Variants in WWOX observed in about 807,000 individuals in gnomAD.
The protein encoded by WWOX is WW domain containing oxidoreductase.
In WWOX, 69 loss-of-function variants were observed where a neutral mutation model predicts 46.2. The observed-to-expected ratio is 1.49, with a 90% CI of 1.23 to 1.82. The LOEUF (loss-of-function observed/expected upper bound fraction) is 1.82. WWOX is among the 40% of genes most tolerant of loss of function. The probability of loss-of-function intolerance (pLI) is 0.00; values close to 1 mark genes in which losing one functional copy is unlikely to be tolerated. For missense variants in WWOX, 919 were observed against 542.6 expected (o/e 1.69, Z -6.89); for synonymous variants, 359 against 202.6 (o/e 1.77, Z -6.56).
intron 1 of WWOX, among the ~76,000 whole-genome samples, chr16:78,106,442 G>A (rs2032153727): frequency 9.9e-6 from 1 of 101,222 alleles, no homozygotes; most frequent in African/African-American, 3.2e-5. Context: ...TTTTTTTTGA[G>A]ATGGAGTTTC....
At chr16:78,422,771 A>G (rs534291020) in intron 6 of WWOX, among the ~76,000 whole-genome samples, 2 of 125,800 alleles carry the variant, frequency 1.6e-5, no homozygotes, top group South Asian at 5.0e-4. Flanking sequence ...ATATATATAC[A>G]CACATATATA....
chr16:78,975,313 G>A (rs149675278), intron 8 of WWOX, among the ~76,000 whole-genome samples: 1 of 152,232 alleles, frequency 6.6e-6, no homozygotes, highest in African/African-American at 2.4e-5. Context: ...AGGTAATAGT[G>A]TGCTCCTGAT....
At chr16:79,096,003 C>T (rs2049062332) in intron 8 of WWOX, among the ~76,000 whole-genome samples, 1 of 148,860 alleles carries the variant, frequency 6.7e-6, no homozygotes, top group Non-Finnish European at 1.5e-5. Context: ...GCATGCGCTG[C>T]CACACCCGGA....
At chr16:79,090,264 C>A (rs187594025) in intron 8 of WWOX, among the ~76,000 whole-genome samples, 2 of 147,126 alleles carry the variant, frequency 1.4e-5, no homozygotes, top group Non-Finnish European at 3.0e-5. Flanking sequence ...GCCATCCTGA[C>A]AGATTCTACT....
chr16:78,555,563 A>T (rs935936368), intron 8 of WWOX, among the ~76,000 whole-genome samples: 1 of 146,456 alleles, frequency 6.8e-6, no homozygotes, highest in African/African-American at 2.5e-5. Context: ...CCAGTACCAC[A>T]TTCCCCACTA....
intron 8 of WWOX, among the ~76,000 whole-genome samples, chr16:78,792,135 C>T (rs559692676): frequency 5.3e-5 from 8 of 152,120 alleles, no homozygotes; most frequent in Non-Finnish European, 1.2e-4. Flanking sequence ...GCATCACAAA[C>T]CACCATTAGA....
At chr16:78,367,902 G>T (rs540910485) in intron 5 of WWOX, among the ~76,000 whole-genome samples, 7 of 152,062 alleles carry the variant, frequency 4.6e-5, no homozygotes, top group Non-Finnish European at 7.4e-5. Context: ...GATTACAGGT[G>T]CGTGACACCA....
chr16:79,009,316 T>C (rs2151374687), intron 8 of WWOX, among the ~76,000 whole-genome samples: 1 of 152,318 alleles, frequency 6.6e-6, no homozygotes, highest in South Asian at 2.1e-4. Flanking sequence ...GGAATCTTTG[T>C]GGCTGGGGCT....
At chr16:79,140,001 T>C (rs529815600) in intron 8 of WWOX, among the ~76,000 whole-genome samples, 1 of 152,290 alleles carries the variant, frequency 6.6e-6, no homozygotes, top group East Asian at 1.9e-4. Flanking sequence ...CGACCACAGT[T>C]CCAGCTGAGC....
chr16:78,421,029 T>A (rs2082915751), intron 6 of WWOX, among the ~76,000 whole-genome samples: 1 of 152,210 alleles, frequency 6.6e-6, no homozygotes, highest in Non-Finnish European at 1.5e-5. Context: ...GATGTTAGAT[T>A]GCTTCTAGTT....
At chr16:78,691,335 C>T (rs1166843528) in intron 8 of WWOX, 3 of 699,240 alleles carry the variant, frequency 4.3e-6, no homozygotes, top group Middle Eastern at 2.3e-4. Context: ...ATTTCATTTT[C>T]AACATAGCTT....
chr16:78,525,223 T>TCCC (rs1296490153), intron 8 of WWOX: 28 of 137,600 alleles, frequency 2.0e-4, no homozygotes, highest in African/African-American at 7.6e-4. Context: ...TCTTGCCCTG[T>TCCC]CCCCCAGGCT....
chr16:78,417,075 T>A (rs1316505074), intron 6 of WWOX, among the ~76,000 whole-genome samples: 1 of 138,692 alleles, frequency 7.2e-6, no homozygotes, highest in Non-Finnish European at 1.5e-5. Flanking sequence ...ATTAGCTTTT[T>A]TTTCATTTTG....
chr16:79,154,079 T>G (rs181751476), intron 8 of WWOX, among the ~76,000 whole-genome samples: 37 of 152,324 alleles, frequency 2.4e-4, no homozygotes, highest in African/African-American at 8.9e-4. Flanking sequence ...TCTAACATGC[T>G]GAGTGGATGC....
intron 8 of WWOX, among the ~76,000 whole-genome samples, chr16:78,562,659 G>A (rs1430740771): frequency 6.6e-6 from 1 of 152,138 alleles, no homozygotes; most frequent in Non-Finnish European, 1.5e-5. Context: ...GCTCACACTC[G>A]GTCAATACTT....
chr16:78,887,518 C>CACACACACACACACACACATAT (rs1199309440), intron 8 of WWOX, among the ~76,000 whole-genome samples: 1 of 147,340 alleles, frequency 6.8e-6, no homozygotes, highest in African/African-American at 2.5e-5. Context: ...CACACACACA[C>CACACACACACACACACACATAT]AAGAAATGAC....
At chr16:78,842,534 G>A (rs974633133) in intron 8 of WWOX, among the ~76,000 whole-genome samples, 7 of 151,922 alleles carry the variant, frequency 4.6e-5, no homozygotes, top group Non-Finnish European at 1.0e-4. Flanking sequence ...GAAATGAGTG[G>A]GAAAGGATCT....
chr16:78,487,405 T>C (rs1354801975), intron 8 of WWOX, among the ~76,000 whole-genome samples: 1 of 152,180 alleles, frequency 6.6e-6, no homozygotes, highest in Non-Finnish European at 1.5e-5. Flanking sequence ...ATGAGATCTA[T>C]TAAGGATGAG....
At chr16:78,561,207 C>G (rs567171615) in intron 8 of WWOX, among the ~76,000 whole-genome samples, 1 of 152,068 alleles carries the variant, frequency 6.6e-6, no homozygotes, top group South Asian at 2.1e-4. Context: ...CCCTGCATCT[C>G]AAAGCCAGCA....
Sources: gnomAD v4.1 joint callset for allele counts (sites outside exome capture counted in the v4.1 genomes callset) on GRCh38, gnomAD v4.1.1 for gene constraint, MANE v1.5 for transcripts, NCBI Gene and HGNC (gene_info 2026-07-23, HGNC 2026-07-21) for gene names.